Variants in SPEF2 observed in about 807,000 individuals in gnomAD.
The protein encoded by SPEF2 is sperm flagella and cilia-associated protein 2.
A neutral mutation model predicts 224.6 loss-of-function variants in SPEF2; 187 were observed. The observed-to-expected ratio is 0.83, with a 90% CI of 0.74 to 0.94. The LOEUF is 0.94. Ranked by LOEUF, SPEF2 falls within the 40% of genes least tolerant of loss-of-function variation. SPEF2 has a pLI of 0.00. For missense variants in SPEF2, 2,170 were observed against 2,135.6 expected (o/e 1.02, Z -0.32); for synonymous variants, 715 against 707.3 (o/e 1.01, Z -0.17).
At chr5:35,651,657 A>C (rs2149429917) in intron 6 of SPEF2, among the ~76,000 whole-genome samples, 1 of 152,332 alleles carries the variant, frequency 6.6e-6, no homozygotes, top group Non-Finnish European at 1.5e-5. Flanking sequence ...TTAGCTTAGA[A>C]TCAAGAATGT....
At chr5:35,691,290 G>A (rs1244027489) in intron 11 of SPEF2, 34 bp downstream of exon 11, 2 of 1,555,336 alleles carry the variant, frequency 1.3e-6, no homozygotes, top group East Asian at 2.2e-5. Flanking sequence ...CCTGCCATTA[G>A]GTCCTATTTA....
intron 21 of SPEF2, among the ~76,000 whole-genome samples, 181 bp from the exon 22 acceptor site, chr5:35,739,738 G>T (rs1407011428): frequency 6.6e-6 from 1 of 152,146 alleles, no homozygotes; most frequent in East Asian, 1.9e-4. Flanking sequence ...GGATTATTTG[G>T]AATATGAATT....
intron 25 of SPEF2, among the ~76,000 whole-genome samples, chr5:35,760,547 C>T (rs1751128155): frequency 6.6e-6 from 1 of 152,050 alleles, no homozygotes; most frequent in African/African-American, 2.4e-5. Context: ...ATGAGAGTGA[C>T]TGAAAGACCT....
At chr5:35,697,649 T>C in intron 14 of SPEF2, 41 bp from the exon 15 acceptor site, 1 of 1,529,784 alleles carries the variant, frequency 6.5e-7, no homozygotes, top group East Asian at 2.3e-5. Flanking sequence ...ATTTGACTTT[T>C]AAATTAGCCA....
chr5:35,784,695 G>A (rs1487820169), intron 30 of SPEF2, among the ~76,000 whole-genome samples: 1 of 152,116 alleles, frequency 6.6e-6, no homozygotes, highest in East Asian at 1.9e-4. Flanking sequence ...ACATATTGAG[G>A]GAACTGTGAA....
chr5:35,679,006 G>T lies in SPEF2; in HGVS notation c.1524+8779G>T, dbSNP rs187880697. On this transcript the variant is annotated intron_variant, in intron 10 of 36. Coordinates refer to ENST00000356031, the MANE Select transcript of SPEF2 (RefSeq NM_024867.4). ...TTCTTCCAGACTTCGTCAGGGTTTG[G>T]GGGTAGTTGGAGGACAGAAAGCCCT... 1.7e-3 allele frequency among the ~76,000 whole-genome samples: 260 copies of T among 152,294 alleles called. 2 individuals are homozygous for T. The highest frequency in any genetic ancestry group is 5.9e-3 in the African/African-American group (246 of 41,570).
At chr5:35,676,597 C>T (rs1752054970) in intron 10 of SPEF2, among the ~76,000 whole-genome samples, 2 of 151,966 alleles carry the variant, frequency 1.3e-5, no homozygotes, top group Non-Finnish European at 1.5e-5. Context: ...GGCATTTTGG[C>T]GGGCACCTGT....
At position 35,716,436 on chromosome 5, in the gene SPEF2, A is replaced by G. The variant is rs74588531; in HGVS notation, c.2914+3550A>G. ...AAATAGAAATTAAAAAGACATGTAT[A>G]TTAGGTACCAAAGCATCAAATTAGA... On this transcript the variant is annotated intron_variant, in intron 20 of 36. Transcript: ENST00000356031. Among the ~76,000 whole-genome samples, 229 of 152,266 alleles carry G rather than the reference A, an allele frequency of 1.5e-3. 2 individuals are homozygous for G. The highest frequency in any genetic ancestry group is 5.3e-3 in the African/African-American group (221 of 41,554).
chr5:35,809,061 G>A lies in SPEF2; in HGVS notation c.5379+1808G>A, dbSNP rs143141448. Reference sequence around the variant, plus strand: ...ACTTTCTCCTAATCCTGGCTTTCTCGTCTGTTAAATGGGGATGAAACATTC... The same window carrying A: ...ACTTTCTCCTAATCCTGGCTTTCTCATCTGTTAAATGGGGATGAAACATTC... On this transcript the variant is annotated intron_variant, in intron 36 of 36. Coordinates refer to ENST00000356031, the MANE Select transcript of SPEF2 (RefSeq NM_024867.4). 2.3e-3 allele frequency among the ~76,000 whole-genome samples: 351 copies of A among 151,932 alleles called. 3 individuals carry two copies. The highest frequency in any genetic ancestry group is 2.9e-3 in the Non-Finnish European group (200 of 68,000).
chr5:35,669,701 A>G (rs12517628), intron 9 of SPEF2, among the ~76,000 whole-genome samples: 92,248 of 151,768 alleles, frequency 0.61, 28,779 homozygotes, highest in East Asian at 0.73. Context: ...GAGTACAGTC[A>G]GAACACTTAG....
chr5:35,623,131 T>C (rs575298073), intron 1 of SPEF2, among the ~76,000 whole-genome samples: 115 of 152,234 alleles, frequency 7.6e-4, no homozygotes, highest in African/African-American at 2.7e-3. Context: ...AGAAATGACT[T>C]GGACTTGTGT....
At chr5:35,752,990 A>G (rs890683799) in intron 23 of SPEF2, among the ~76,000 whole-genome samples, 3 of 150,020 alleles carry the variant, frequency 2.0e-5, no homozygotes, top group Non-Finnish European at 4.4e-5. Flanking sequence ...ATAAATCATC[A>G]TACTCTAAAT....
At chr5:35,637,637 C>T (rs73078280) in intron 2 of SPEF2, among the ~76,000 whole-genome samples, 3,209 of 151,894 alleles carry the variant, frequency 0.021, 117 homozygotes, top group African/African-American at 0.074. Flanking sequence ...TTTGCTAATC[C>T]CATCTAATTT....
At chr5:35,770,662 C>T (rs116635191) in intron 26 of SPEF2, among the ~76,000 whole-genome samples, 6 of 152,258 alleles carry the variant, frequency 3.9e-5, no homozygotes, top group Non-Finnish European at 5.9e-5. Context: ...CCTCCAGGTT[C>T]GTCTGTGTTG....
chr5:35,806,045 C>A (rs535339066), intron 34 of SPEF2, among the ~76,000 whole-genome samples: 1 of 152,200 alleles, frequency 6.6e-6, no homozygotes, highest in South Asian at 2.1e-4. Context: ...AGGATCAATT[C>A]CTAGTTCTGT....
rs1756223725 is a variant in SPEF2 at position 35,793,418 on chromosome 5, C to T, written c.4737+77C>T. 9.6e-6 allele frequency: 14 copies of T among 1,460,718 alleles called. No individual in the cohort carries two copies. In the South Asian group the frequency reaches 1.5e-4, roughly 16 times the overall value. The allele number at this position is 1,460,718 out of a possible 1,614,324, so 90.5% of individuals were successfully genotyped here. On this transcript the variant is annotated intron_variant, in intron 32 of 36. Transcript: ENST00000356031. ...AGAAGTGAATTACTCAATGATGTTA[C>T]ATTGACAGGTCTCAGGCCAGTGCAT...
At chr5:35,806,981 G>C in intron 35 of SPEF2, 29 bp downstream of exon 35, 1 of 1,578,482 alleles carries the variant, frequency 6.3e-7, no homozygotes, top group Non-Finnish European at 8.6e-7. Context: ...AAAAAAGTTG[G>C]CCTCAATTCT....
intron 23 of SPEF2, among the ~76,000 whole-genome samples, chr5:35,745,847 C>T (rs1180264439): frequency 2.6e-5 from 4 of 152,218 alleles, no homozygotes; most frequent in African/African-American, 9.6e-5. Context: ...AGCACCACCT[C>T]CTGGCAGGAT....
chr5:35,795,774 T>A lies in SPEF2; in HGVS notation c.4809T>A (p.Asn1603Lys). 5 of 1,613,356 alleles carry A rather than the reference T, an allele frequency of 3.1e-6. No homozygotes were observed. Among genetic ancestry groups the A allele is most frequent in the Non-Finnish European group, 4.2e-6 (5 of 1,179,266 alleles). ...PENPLEPLPF[N>K]RQEHLIEFFF... Reference sequence around the variant, plus strand: ...ATCCTCTTGAACCCCTTCCATTTAATAGGCAGGAGCATCTTATAGAGGTAA... The same window carrying A: ...ATCCTCTTGAACCCCTTCCATTTAAAAGGCAGGAGCATCTTATAGAGGTAA... The change falls in exon 33 of 37, where the codon AAT (asparagine) becomes AAA (lysine). Residue 1603 changes from asparagine to lysine, a missense_variant. Coordinates refer to ENST00000356031, the MANE Select transcript of SPEF2 (RefSeq NM_024867.4).
Sources: gnomAD v4.1 joint callset for allele counts (sites outside exome capture counted in the v4.1 genomes callset) on GRCh38, gnomAD v4.1.1 for gene constraint, MANE v1.5 for transcripts, NCBI Gene and HGNC (gene_info 2026-07-23, HGNC 2026-07-21) for gene names.